The following PDE10A variants were observed in gnomAD, a reference collection of about 807,000 sequenced individuals.
PDE10A encodes cAMP and cAMP-inhibited cGMP 3',5'-cyclic phosphodiesterase 10A.
A neutral mutation model predicts 97.7 loss-of-function variants in PDE10A; 39 were observed. That is an observed-to-expected ratio of 0.40 (90% confidence interval 0.31 to 0.52). The LOEUF (loss-of-function observed/expected upper bound fraction) is 0.52. PDE10A is among the 20% of genes least tolerant of loss of function. The probability of loss-of-function intolerance (pLI) is 0.56; values close to 1 mark genes in which losing one functional copy is unlikely to be tolerated. For missense variants in PDE10A, 731 were observed against 1,047.8 expected, an observed-to-expected ratio of 0.70 and a Z score of 4.17; for synonymous variants, 371 against 376.8, an observed-to-expected ratio of 0.98 and a Z score of 0.18.
intron 1 of PDE10A, among the ~76,000 whole-genome samples, chr6:165,621,447 T>G (rs1788130265): frequency 1.3e-5 from 2 of 152,150 alleles, no homozygotes; most frequent in South Asian, 4.1e-4. Flanking sequence ...TGCATACGAT[T>G]GAAACTGTCA....
intron 1 of PDE10A, among the ~76,000 whole-genome samples, chr6:165,930,985 A>G (rs892557900): frequency 6.6e-6 from 1 of 152,252 alleles, no homozygotes; most frequent in Admixed American, 6.5e-5. Flanking sequence ...ATGGTGAGAC[A>G]GCATGGAGCA....
chr6:165,574,780 C>T (rs1348867069), intron 1 of PDE10A, among the ~76,000 whole-genome samples: 2 of 152,138 alleles, frequency 1.3e-5, no homozygotes, highest in Admixed American at 6.5e-5. Context: ...AACTGTCATA[C>T]TGGTCATACA....
At chr6:165,827,360 G>A (rs1178884293) in intron 1 of PDE10A, among the ~76,000 whole-genome samples, 1 of 152,240 alleles carries the variant, frequency 6.6e-6, no homozygotes, top group Non-Finnish European at 1.5e-5. Context: ...GACAGGAGGT[G>A]CCCGGTGACA....
chr6:165,548,624 A>C (rs1015703042), intron 1 of PDE10A, among the ~76,000 whole-genome samples: 2 of 152,164 alleles, frequency 1.3e-5, no homozygotes, highest in Non-Finnish European at 2.9e-5. Context: ...GTTACTGCAC[A>C]CTTCTGTCAG....
intron 2 of PDE10A, among the ~76,000 whole-genome samples, chr6:165,508,425 C>T (rs1781325804): frequency 6.6e-6 from 1 of 151,788 alleles, no homozygotes; most frequent in Non-Finnish European, 1.5e-5. Context: ...AGTAGCATTC[C>T]TTTGCATGAA....
chr6:165,700,313 G>A (rs891083347), intron 1 of PDE10A, among the ~76,000 whole-genome samples: 1 of 152,120 alleles, frequency 6.6e-6, no homozygotes, highest in African/African-American at 2.4e-5. Context: ...AGGGGGCAGG[G>A]TAGGGATACA....
At chr6:165,754,093 T>C (rs759113722) in intron 1 of PDE10A, 3 of 152,198 alleles carry the variant, frequency 2.0e-5, no homozygotes, top group South Asian at 2.1e-4. Context: ...ACAAGTAGCA[T>C]TTGCTGTGTA....
At chr6:165,615,049 A>T (rs1156949371) in intron 1 of PDE10A, among the ~76,000 whole-genome samples, 3 of 151,874 alleles carry the variant, frequency 2.0e-5, no homozygotes. Context: ...ATCTCTACTA[A>T]AAATACAAAA....
intron 2 of PDE10A, among the ~76,000 whole-genome samples, chr6:165,517,238 TA>T (rs1195494182): frequency 6.6e-6 from 1 of 152,148 alleles, no homozygotes; most frequent in Non-Finnish European, 1.5e-5. Flanking sequence ...TTGAAACTAG[TA>T]AAATAAATAT....
At chr6:165,752,228 A>T (rs1234463203) in intron 1 of PDE10A, among the ~76,000 whole-genome samples, 3 of 151,876 alleles carry the variant, frequency 2.0e-5, no homozygotes, top group Non-Finnish European at 4.4e-5. Context: ...ACTGTCTATC[A>T]GTTAGCCCTG....
At chr6:165,958,808 G>A (rs1330963968) in intron 1 of PDE10A, among the ~76,000 whole-genome samples, 1 of 152,082 alleles carries the variant, frequency 6.6e-6, no homozygotes, top group African/African-American at 2.4e-5. Flanking sequence ...TGTCTGGAGG[G>A]CTTTCAATAT....
At chr6:165,832,421 T>C (rs544357575) in intron 1 of PDE10A, among the ~76,000 whole-genome samples, 1 of 150,064 alleles carries the variant, frequency 6.7e-6, no homozygotes, top group South Asian at 2.1e-4. Flanking sequence ...AATCCTGATT[T>C]AAAAAAAAAA....
chr6:165,544,799 G>C (rs1783652540), intron 1 of PDE10A, among the ~76,000 whole-genome samples: 1 of 151,390 alleles, frequency 6.6e-6, no homozygotes, highest in African/African-American at 2.4e-5. Context: ...CAATGAAATT[G>C]GTAGTTAAAT....
chr6:165,863,083 T>A (rs1479919358), intron 1 of PDE10A, among the ~76,000 whole-genome samples: 1 of 152,218 alleles, frequency 6.6e-6, no homozygotes, highest in African/African-American at 2.4e-5. Flanking sequence ...ACTCAAAAAA[T>A]TCCATGCCAA....
intron 2 of PDE10A, among the ~76,000 whole-genome samples, chr6:165,511,872 T>C (rs1295163930): frequency 6.6e-6 from 1 of 152,096 alleles, no homozygotes; most frequent in Non-Finnish European, 1.5e-5. Context: ...ATTGAATATC[T>C]TTTTCCATCA....
At chr6:165,958,160 G>A (rs537300957) in intron 1 of PDE10A, among the ~76,000 whole-genome samples, 20 of 152,234 alleles carry the variant, frequency 1.3e-4, no homozygotes, top group Admixed American at 1.0e-3. Flanking sequence ...CAGCGTCTCC[G>A]GGAACAATCT....
intron 1 of PDE10A, among the ~76,000 whole-genome samples, chr6:165,619,202 A>AGTGTAGTCTAGTGTAGTGTAGTCTAG (rs879880433): frequency 1.3e-5 from 1 of 76,468 alleles, no homozygotes; most frequent in African/African-American, 4.7e-5. Context: ...GTGTAGTGTA[A>AGTGTAGTCTAGTGTAGTGTAGTCTAG]TGTAGTGCAG....
intron 18 of PDE10A, among the ~76,000 whole-genome samples, chr6:165,355,219 TTTAGG>T (rs1266700309): frequency 3.3e-5 from 5 of 152,216 alleles, no homozygotes; most frequent in Admixed American, 3.3e-4. Flanking sequence ...TTTTTTATAC[TTTAGG>T]TTATGTTATA....
chr6:165,961,434 G>T (rs1203684280), intron 1 of PDE10A, among the ~76,000 whole-genome samples: 1 of 152,222 alleles, frequency 6.6e-6, no homozygotes, highest in South Asian at 2.1e-4. Flanking sequence ...CCGCCTTAGC[G>T]GGTTTCATTA....
Sources: gnomAD v4.1 joint callset for allele counts (sites outside exome capture counted in the v4.1 genomes callset) on GRCh38, gnomAD v4.1.1 for gene constraint, MANE v1.5 for transcripts, NCBI Gene and HGNC (gene_info 2026-07-23, HGNC 2026-07-21) for gene names.